Variants in CYP24A1 observed in about 807,000 individuals in gnomAD.
CYP24A1 encodes 1,25-dihydroxyvitamin D(3) 24-hydroxylase, mitochondrial.
CYP24A1 carries 68 observed loss-of-function variants against 62.4 expected under a neutral mutation model. The ratio of observed to expected loss-of-function variants is 1.09; its 90% CI spans 0.90 to 1.33. The LOEUF (loss-of-function observed/expected upper bound fraction) is 1.33, where lower values mean the gene tolerates loss of function less well. Ranked by LOEUF, CYP24A1 falls within the 40% of genes most tolerant of loss-of-function variation. CYP24A1 has a pLI of 0.00. For synonymous variants in CYP24A1, 267 were observed against 253.0 expected (o/e 1.06, Z -0.52); for missense variants, 787 against 653.0 (o/e 1.21, Z -2.24).
intron 8 of CYP24A1, 87 bp downstream of exon 8, chr20:54,158,870 G>A: frequency 6.2e-7 from 1 of 1,603,934 alleles, no homozygotes; most frequent in Non-Finnish European, 8.5e-7. Flanking sequence ...GCTAGGGGAA[G>A]CCGCCCATGA....
At position 54,158,112 on chromosome 20, in the gene CYP24A1, G is replaced by T. The variant is rs1379649137; in HGVS notation, c.1210C>A (p.Leu404Met). The change falls in exon 9 of 12, where the codon CTG (leucine) becomes ATG (methionine). Residue 404 changes from leucine to methionine, a missense_variant. Physicochemically the swap from Leu to Met is conservative, Grantham distance 15. Transcript: ENST00000216862. Reference protein sequence around the residue: ...TTRTLDKATVLGEYALPKGTV... With the variant: ...TTRTLDKATVMGEYALPKGTV... ...CCTTTGGGTAAAGCATATTCACCCA[G>T]AACTGTTGCCTTGTCAAGAGTCCGA... 1 of 1,614,012 alleles carries T rather than the reference G, an allele frequency of 6.2e-7. No individual in the cohort carries two copies. Among genetic ancestry groups the T allele is most frequent in the Admixed American group, 1.7e-5 (1 of 60,022 alleles).
chr20:54,169,815 C>T (rs2092688002), intron 3 of CYP24A1, 127 bp from the exon 4 acceptor site: 1 of 1,531,398 alleles, frequency 6.5e-7, no homozygotes, highest in African/African-American at 1.4e-5. Flanking sequence ...GTTATTCATC[C>T]TGAAGTCACA....
At chr20:54,168,064 G>C (rs955230864) in intron 4 of CYP24A1, among the ~76,000 whole-genome samples, 2 of 152,152 alleles carry the variant, frequency 1.3e-5, no homozygotes, top group Non-Finnish European at 2.9e-5. Context: ...TTCTTCTGCA[G>C]GGACACTCTC....
intron 7 of CYP24A1, among the ~76,000 whole-genome samples, chr20:54,162,255 A>G (rs1308748736): frequency 1.6e-5 from 1 of 64,112 alleles, no homozygotes; most frequent in African/African-American, 5.6e-5. Context: ...TTTTTTTTTT[A>G]CAGTAAGTAA....
At chr20:54,172,069 C>T (rs983052207) in intron 2 of CYP24A1, 6 of 308,448 alleles carry the variant, frequency 1.9e-5, no homozygotes, top group African/African-American at 1.3e-4. Context: ...TGTCTTCTTT[C>T]AACTCATTGG....
downstream of CYP24A1, among the ~76,000 whole-genome samples, chr20:54,149,542 A>G (rs892525645): frequency 4.0e-5 from 6 of 151,640 alleles, no homozygotes; most frequent in Non-Finnish European, 8.8e-5. Flanking sequence ...GAGAGAAAGG[A>G]AAAAAAAATG....
chr20:54,164,393 A>C (rs2092663264), intron 6 of CYP24A1, 59 bp downstream of exon 6: 1 of 1,613,292 alleles, frequency 6.2e-7, no homozygotes, highest in Admixed American at 1.7e-5. Flanking sequence ...TCCTCTCTGA[A>C]GCTCCAGACA....
At chr20:54,162,419 T>C (rs532232597) in intron 7 of CYP24A1, among the ~76,000 whole-genome samples, 40 of 110,514 alleles carry the variant, frequency 3.6e-4, no homozygotes, top group Middle Eastern at 4.5e-3. Flanking sequence ...ACTCATCACA[T>C]CCTACTCTGG....
chr20:54,169,371 C>T (rs1269534808), intron 4 of CYP24A1, among the ~76,000 whole-genome samples: 23 of 152,174 alleles, frequency 1.5e-4, no homozygotes, highest in Admixed American at 1.4e-3. Flanking sequence ...AGCACAGTGC[C>T]AGACACACAG....
chr20:54,158,894 T>C, intron 8 of CYP24A1, 63 bp downstream of exon 8: 1 of 1,613,474 alleles, frequency 6.2e-7, no homozygotes, highest in Non-Finnish European at 8.5e-7. Flanking sequence ...GGGGACCACT[T>C]GTTTTGTGTT....
rs369367462 is a variant in CYP24A1 at position 54,168,985 on chromosome 20, C to T, written c.640+607G>A. Among the ~76,000 whole-genome samples the T allele has an allele frequency of 1.2e-3, 181 of 151,906 alleles. 1 individual carries two copies. Among genetic ancestry groups the T allele is most frequent in the South Asian group, 6.5e-3 (31 of 4,806 alleles). ...CAATCACGGCTCACTTTAGCTTCAG[C>T]GTCCCGGGGTCAAGCAATCCTCCCA... On this transcript the variant is annotated intron_variant, in intron 4 of 11. Coordinates refer to ENST00000216862, the MANE Select transcript of CYP24A1 (RefSeq NM_000782.5).
intron 2 of CYP24A1, 54 bp downstream of exon 2, chr20:54,172,855 C>T: frequency 6.2e-7 from 1 of 1,611,288 alleles, no homozygotes; most frequent in Non-Finnish European, 8.5e-7. Context: ...TTTCCAGGCG[C>T]CGTCAGGCTC....
At position 54,162,717 on chromosome 20, in the gene CYP24A1, C is replaced by T. The variant is rs1346288842; in HGVS notation, c.990G>A (p.Thr330=). ...AAACTCAAATCCAGCCCACCCTTAC[C>T]GTTTCCACCGCAGCCAGCTGGAGCT... The part of the protein sequence containing the change: ...VTELQLAAVE[T]TANSLMWILY... The change falls in exon 7 of 12, where the codon ACG becomes ACA. Residue 330 remains threonine (T), a splice_region_variant and synonymous_variant. Transcript: ENST00000216862. The T allele has an allele frequency of 8.8e-6, 14 of 1,592,706 alleles. No homozygotes were observed. Among genetic ancestry groups the T allele is most frequent in the Admixed American group, 1.7e-5 (1 of 59,934 alleles).
chr20:54,145,859 C>T, the CYP24A1 span, among the ~76,000 whole-genome samples: 1 of 152,148 alleles, frequency 6.6e-6, no homozygotes, highest in Admixed American at 6.5e-5. Flanking sequence ...GCTTTGTTTG[C>T]CTCATAAAAT....
chr20:54,143,673 G>T, the CYP24A1 span, among the ~76,000 whole-genome samples: 2 of 151,556 alleles, frequency 1.3e-5, no homozygotes, highest in African/African-American at 4.9e-5. Context: ...TAATTCTAAG[G>T]TGATAGAGAT....
At position 54,164,620 on chromosome 20, in the gene CYP24A1, T is replaced by C. The variant is rs553158308; in HGVS notation, c.733-57A>G. On this transcript the variant is annotated intron_variant, in intron 5 of 11. Coordinates refer to ENST00000216862, the MANE Select transcript of CYP24A1 (RefSeq NM_000782.5). ...AATTCTCCTTCTCTCAAAGACAATG[T>C]TCGTTCTGGAAGAGGAACATTCTAA... 2.1e-4 allele frequency: 343 copies of C among 1,613,358 alleles called. 3 individuals carry two copies. The Admixed American group carries it at 5.6e-3, about 26-fold the overall frequency.
downstream of CYP24A1, among the ~76,000 whole-genome samples, chr20:54,152,968 C>T (rs535148551): frequency 3.2e-4 from 49 of 152,168 alleles, no homozygotes; most frequent in Non-Finnish European, 6.9e-4. Context: ...CTCCCAGCCA[C>T]GGAAAATTTG....
chr20:54,159,146 C>T lies in CYP24A1; in HGVS notation c.991-23G>A. 4 of 1,603,580 alleles carry T rather than the reference C, an allele frequency of 2.5e-6. No individual in the cohort carries two copies. In the South Asian group the frequency reaches 4.4e-5, roughly 18 times the overall value. ...TGTCTGCAAGCCAAATGGACATAAA[C>T]TTGAGTTTTTGTAAATAACTGCATT... On this transcript the variant is annotated intron_variant, in intron 7 of 11. Coordinates refer to ENST00000216862, the MANE Select transcript of CYP24A1 (RefSeq NM_000782.5).
chr20:54,165,381 G>A (rs1363334097), intron 5 of CYP24A1, among the ~76,000 whole-genome samples: 1 of 152,232 alleles, frequency 6.6e-6, no homozygotes, highest in Non-Finnish European at 1.5e-5. Context: ...CGTGTTGCAC[G>A]AAAACAAGCT....
Sources: gnomAD v4.1 joint callset for allele counts (sites outside exome capture counted in the v4.1 genomes callset) on GRCh38, gnomAD v4.1.1 for gene constraint, MANE v1.5 for transcripts, NCBI Gene and HGNC (gene_info 2026-07-23, HGNC 2026-07-21) for gene names.